Variants in WWOX observed in about 807,000 individuals in gnomAD.
WWOX encodes WW domain containing oxidoreductase.
A neutral mutation model predicts 46.2 loss-of-function variants in WWOX; 69 were observed. The ratio of observed to expected loss-of-function variants is 1.49; its 90% CI spans 1.23 to 1.82. The LOEUF is 1.82. WWOX is among the 40% of genes most tolerant of loss of function. The pLI, the probability that WWOX is intolerant of heterozygous loss-of-function variation, is 0.00. For synonymous variants in WWOX, 359 were observed against 202.6 expected (o/e 1.77, Z -6.56); for missense variants, 919 against 542.6 (o/e 1.69, Z -6.89).
chr16:78,652,974 G>T (rs1429170252), intron 8 of WWOX, among the ~76,000 whole-genome samples: 3 of 152,098 alleles, frequency 2.0e-5, no homozygotes, highest in Non-Finnish European at 4.4e-5. Context: ...ATACATGGTA[G>T]AAGGAGAAGA....
chr16:78,254,230 T>A, intron 5 of WWOX, among the ~76,000 whole-genome samples: 1 of 151,598 alleles, frequency 6.6e-6, no homozygotes, highest in Non-Finnish European at 1.5e-5. Flanking sequence ...TCGGCTAAAT[T>A]TTTTTTGAAA....
At chr16:78,933,347 G>C (rs2045665160) in intron 8 of WWOX, among the ~76,000 whole-genome samples, 1 of 152,202 alleles carries the variant, frequency 6.6e-6, no homozygotes, top group South Asian at 2.1e-4. Flanking sequence ...GCTGAGGCAG[G>C]AGAACTGCTC....
At chr16:78,654,847 G>T (rs2047045809) in intron 8 of WWOX, among the ~76,000 whole-genome samples, 1 of 151,494 alleles carries the variant, frequency 6.6e-6, no homozygotes, top group Non-Finnish European at 1.5e-5. Context: ...GGGTCGTAAG[G>T]TCCCGTCAAT....
intron 8 of WWOX, among the ~76,000 whole-genome samples, chr16:79,122,916 G>T (rs529976626): frequency 6.6e-6 from 1 of 152,184 alleles, no homozygotes; most frequent in Non-Finnish European, 1.5e-5. Context: ...TTAGGTCTCT[G>T]AGGCAGCAAT....
At chr16:78,433,485 A>G (rs1230670595) in intron 8 of WWOX, among the ~76,000 whole-genome samples, 3 of 152,232 alleles carry the variant, frequency 2.0e-5, no homozygotes, top group Non-Finnish European at 2.9e-5. Context: ...TTTCAAAACC[A>G]AAGGACTTCA....
chr16:78,416,580 G>C (rs1385020953), intron 6 of WWOX, among the ~76,000 whole-genome samples: 3 of 152,156 alleles, frequency 2.0e-5, no homozygotes, highest in Admixed American at 2.0e-4. Context: ...TTGGTAGCAA[G>C]TTCCTTGGTT....
chr16:78,212,880 A>G (rs1366339133), intron 5 of WWOX, among the ~76,000 whole-genome samples: 2 of 152,068 alleles, frequency 1.3e-5, no homozygotes, highest in Non-Finnish European at 2.9e-5. Context: ...ACACGCCCGG[A>G]TCTCAGTGGC....
chr16:78,747,514 C>G (rs1025852712), intron 8 of WWOX, among the ~76,000 whole-genome samples: 1 of 152,162 alleles, frequency 6.6e-6, no homozygotes, highest in Non-Finnish European at 1.5e-5. Context: ...CCCTAGGAGA[C>G]AGGCATTACA....
intron 4 of WWOX, among the ~76,000 whole-genome samples, chr16:78,122,074 A>G (rs1418433489): frequency 2.6e-5 from 4 of 152,146 alleles, no homozygotes; most frequent in Non-Finnish European, 5.9e-5. Flanking sequence ...TATACAGTAC[A>G]TTGTTATAGT....
intron 8 of WWOX, among the ~76,000 whole-genome samples, chr16:78,616,243 A>G (rs1297602496): frequency 1.3e-5 from 2 of 151,992 alleles, no homozygotes; most frequent in East Asian, 3.9e-4. Context: ...TATATAAGCA[A>G]GTAGGATGTT....
At chr16:78,422,663 G>GTGTA (rs1438850450) in intron 6 of WWOX, among the ~76,000 whole-genome samples, 2 of 24,382 alleles carry the variant, frequency 8.2e-5, no homozygotes, top group Non-Finnish European at 2.2e-4. Flanking sequence ...TTTTTTACAT[G>GTGTA]TATATATATA....
chr16:79,137,134 G>C (rs1206766411), intron 8 of WWOX, among the ~76,000 whole-genome samples: 4 of 152,170 alleles, frequency 2.6e-5, no homozygotes, highest in Admixed American at 6.5e-5. Context: ...TTCTTGGAAT[G>C]TTATGGATCT....
At chr16:78,471,323 G>A (rs902518825) in intron 8 of WWOX, among the ~76,000 whole-genome samples, 1 of 152,168 alleles carries the variant, frequency 6.6e-6, no homozygotes, top group Non-Finnish European at 1.5e-5. Context: ...GGTAGCCCTC[G>A]GAGATGAGGA....
At chr16:78,950,531 C>T (rs201212481) in intron 8 of WWOX, among the ~76,000 whole-genome samples, 11 of 78,544 alleles carry the variant, frequency 1.4e-4, no homozygotes, top group Non-Finnish European at 2.3e-4. Flanking sequence ...CACACACACA[C>T]ATACACACAC....
intron 8 of WWOX, among the ~76,000 whole-genome samples, chr16:79,180,414 C>T (rs1295403428): frequency 1.3e-5 from 2 of 152,100 alleles, no homozygotes; most frequent in East Asian, 3.9e-4. Context: ...ATATTAATTC[C>T]AGAGGGTTTC....
intron 8 of WWOX, among the ~76,000 whole-genome samples, chr16:78,865,664 G>T (rs1017364870): frequency 7.9e-5 from 12 of 152,126 alleles, no homozygotes; most frequent in African/African-American, 2.9e-4. Flanking sequence ...TGGATCACCT[G>T]AGGTCAGGAG....
intron 8 of WWOX, among the ~76,000 whole-genome samples, chr16:79,194,520 C>G (rs963559965): frequency 6.6e-6 from 1 of 152,146 alleles, no homozygotes. Context: ...AGTGGTTTAA[C>G]AAGTTTCCTG....
At chr16:78,720,810 A>G (rs550819514) in intron 8 of WWOX, among the ~76,000 whole-genome samples, 9 of 152,198 alleles carry the variant, frequency 5.9e-5, no homozygotes, top group African/African-American at 2.2e-4. Flanking sequence ...CCTTCCTCCA[A>G]AAGTACATTA....
At chr16:78,414,562 C>T (rs1323467814) in intron 6 of WWOX, among the ~76,000 whole-genome samples, 4 of 152,048 alleles carry the variant, frequency 2.6e-5, no homozygotes, top group Non-Finnish European at 5.9e-5. Flanking sequence ...GTGAAACTGT[C>T]TTAAAACAAA....
Sources: gnomAD v4.1 joint callset for allele counts (sites outside exome capture counted in the v4.1 genomes callset) on GRCh38, gnomAD v4.1.1 for gene constraint, MANE v1.5 for transcripts, NCBI Gene and HGNC (gene_info 2026-07-23, HGNC 2026-07-21) for gene names.